Variants in TANK observed in about 807,000 individuals in gnomAD.
TANK encodes the protein TRAF family member associated NFKB activator.
A neutral mutation model predicts 43.6 loss-of-function variants in TANK; 15 were observed. The observed-to-expected ratio is 0.34, with a 90% CI of 0.23 to 0.53. The LOEUF (loss-of-function observed/expected upper bound fraction) is 0.53. Among genes scored for constraint, TANK ranks in the 20% least tolerant of loss-of-function variants. The probability of loss-of-function intolerance (pLI) is 0.94; values close to 1 mark genes in which losing one functional copy is unlikely to be tolerated. For missense variants in TANK, 417 were observed against 498.6 expected (o/e 0.84, Z 1.56); for synonymous variants, 162 against 178.2 (o/e 0.91, Z 0.73).
In TANK at chr2:161,209,400, A is replaced by C. The variant is rs914642035; in HGVS notation, c.327+4607A>C. 5.9e-5 allele frequency among the ~76,000 whole-genome samples: 9 copies of C among 152,348 alleles called. No homozygotes were observed. The East Asian group carries it at 9.6e-4, about 16-fold the overall frequency. ...CATGTTAGCAGTTACTATTTAAATA[A>C]CAAGTTTTGTATTTGTGTAACAAAT... On this transcript the variant is annotated intron_variant, in intron 4 of 7. Transcript: ENST00000392749.
chr2:161,197,127 CCA>C (rs1325220123), intron 2 of TANK, among the ~76,000 whole-genome samples: 3 of 152,082 alleles, frequency 2.0e-5, no homozygotes, highest in Admixed American at 6.6e-5. Context: ...GATGATACTG[CCA>C]TGTTTTACTT....
chr2:161,166,544 C>T (rs552493523), intron 1 of TANK, among the ~76,000 whole-genome samples: 22 of 152,210 alleles, frequency 1.4e-4, no homozygotes, highest in African/African-American at 5.3e-4. Context: ...GTGTATATGT[C>T]GTGTTGTTGA....
chr2:161,138,013 C>A, intron 1 of TANK: 2 of 636,944 alleles, frequency 3.1e-6, no homozygotes. Flanking sequence ...GTATTTTTCT[C>A]ATCTCATAAA....
chr2:161,234,941 A>G (rs959267911), intron 7 of TANK, among the ~76,000 whole-genome samples: 4 of 152,236 alleles, frequency 2.6e-5, no homozygotes, highest in Non-Finnish European at 4.4e-5. Flanking sequence ...CTTGTGTACT[A>G]TGTAATTAAT....
intron 1 of TANK, among the ~76,000 whole-genome samples, chr2:161,142,016 C>T (rs942815807): frequency 2.0e-5 from 3 of 152,118 alleles, no homozygotes; most frequent in African/African-American, 7.2e-5. Context: ...GTAATAATCA[C>T]CTTTCTGACT....
intron 2 of TANK, among the ~76,000 whole-genome samples, chr2:161,190,413 A>G (rs1222281067): frequency 6.6e-6 from 1 of 152,184 alleles, no homozygotes; most frequent in African/African-American, 2.4e-5. Flanking sequence ...AAAATTAAAC[A>G]TAGAATTACC....
chr2:161,152,102 ATCTTTATAAGTTG>A (rs1266205908), intron 1 of TANK, among the ~76,000 whole-genome samples: 15 of 152,244 alleles, frequency 9.9e-5, no homozygotes, highest in African/African-American at 3.6e-4. Flanking sequence ...CACAAATTAT[ATCTTTATAAGTTG>A]TGTGCCAGAT....
chr2:161,169,933 G>A (rs1488470680), intron 1 of TANK, among the ~76,000 whole-genome samples: 1 of 152,170 alleles, frequency 6.6e-6, no homozygotes, highest in Non-Finnish European at 1.5e-5. Flanking sequence ...TTTATGTAAA[G>A]CACCTGCAAA....
At chr2:161,180,471 ACTT>A (rs1363962153) in intron 2 of TANK, among the ~76,000 whole-genome samples, 9 of 152,154 alleles carry the variant, frequency 5.9e-5, no homozygotes, top group Admixed American at 5.9e-4. Flanking sequence ...TAATTATTAA[ACTT>A]CTCATAATGC....
At chr2:161,233,277 C>T (rs1688011137) in intron 7 of TANK, among the ~76,000 whole-genome samples, 1 of 151,932 alleles carries the variant, frequency 6.6e-6, no homozygotes, top group South Asian at 2.1e-4. Flanking sequence ...GTGCCTGTGG[C>T]CTCCAGCTAC....
At chr2:161,179,390 C>T (rs1327349102) in intron 1 of TANK, 5 of 403,908 alleles carry the variant, frequency 1.2e-5, no homozygotes, top group Middle Eastern at 6.2e-4. Flanking sequence ...CTTCCTGAAC[C>T]GGAACCCCAC....
intron 1 of TANK, chr2:161,161,521 T>A: frequency 6.7e-7 from 1 of 1,484,456 alleles, no homozygotes; most frequent in Middle Eastern, 1.8e-4. Context: ...AGTGAAATCC[T>A]TCTCAGTCCT....
intron 2 of TANK, among the ~76,000 whole-genome samples, chr2:161,190,662 A>G (rs1312566885): frequency 2.0e-5 from 3 of 152,224 alleles, no homozygotes; most frequent in Non-Finnish European, 4.4e-5. Context: ...TACAGAGTAG[A>G]ACCTTGGAGA....
chr2:161,196,005 AACCCAGGAGGTGG>A (rs1482571854), intron 2 of TANK, among the ~76,000 whole-genome samples: 1 of 152,148 alleles, frequency 6.6e-6, no homozygotes, highest in Non-Finnish European at 1.5e-5. Flanking sequence ...GAATCACTTG[AACCCAGGAGGTGG>A]AGGTTGCAGT....
At chr2:161,218,107 A>G (rs778349564) in intron 4 of TANK, among the ~76,000 whole-genome samples, 9 of 152,148 alleles carry the variant, frequency 5.9e-5, no homozygotes, top group Non-Finnish European at 1.2e-4. Flanking sequence ...GAGTAAATCT[A>G]TCTTAAGTTA....
intron 3 of TANK, among the ~76,000 whole-genome samples, chr2:161,203,996 A>T (rs1239446208): frequency 6.6e-6 from 1 of 152,172 alleles, no homozygotes; most frequent in Non-Finnish European, 1.5e-5. Context: ...GGAAAGCTAG[A>T]AACAAATATT....
At chr2:161,213,750 G>A (rs897985518) in intron 4 of TANK, among the ~76,000 whole-genome samples, 4 of 134,610 alleles carry the variant, frequency 3.0e-5, no homozygotes, top group Non-Finnish European at 6.2e-5. Flanking sequence ...AATAGATATT[G>A]TATTTGAAAA....
At chr2:161,150,574 T>G (rs1684044285) in intron 1 of TANK, among the ~76,000 whole-genome samples, 1 of 151,064 alleles carries the variant, frequency 6.6e-6, no homozygotes, top group East Asian at 1.9e-4. Flanking sequence ...ATTATTGATT[T>G]CAAATCTTCT....
intron 6 of TANK, among the ~76,000 whole-genome samples, chr2:161,227,423 A>G (rs533002699): frequency 6.6e-6 from 1 of 152,318 alleles, no homozygotes; most frequent in Admixed American, 6.5e-5. Context: ...TCAGAGCACA[A>G]ATCTACAGTT....
Sources: gnomAD v4.1 joint callset for allele counts (sites outside exome capture counted in the v4.1 genomes callset) on GRCh38, gnomAD v4.1.1 for gene constraint, MANE v1.5 for transcripts, NCBI Gene and HGNC (gene_info 2026-07-23, HGNC 2026-07-21) for gene names.